GATA3: variants seen among roughly 807,000 people sequenced by gnomAD.
GATA3 encodes the protein trans-acting T-cell-specific transcription factor GATA-3.
In GATA3, 6 loss-of-function variants were observed where a neutral mutation model predicts 36.0. That is an observed-to-expected ratio of 0.17 (90% CI 0.09 to 0.33). The LOEUF (loss-of-function observed/expected upper bound fraction) is 0.33. Among genes scored for constraint, GATA3 ranks in the 10% least tolerant of loss-of-function variants. The pLI is 1.00. For missense variants in GATA3, 514 were observed against 610.1 expected (o/e 0.84, Z 1.66); for synonymous variants, 326 against 273.0 (o/e 1.19, Z -1.92).
chr10:8,053,901 C>T (rs899719073), upstream of GATA3: 9 of 152,510 alleles, frequency 5.9e-5, no homozygotes, highest in Non-Finnish European at 1.3e-4. The surrounding 1 kb of genome is among the most constrained non-coding windows in gnomAD (Gnocchi z 5.1). Flanking sequence ...TCTTCCTCCC[C>T]TCCCCCCTTC....
At chr10:8,050,956 C>T (rs555117662), upstream of GATA3, 826 of 477,672 alleles carry the variant, frequency 1.7e-3, 1 homozygote, top group Non-Finnish European at 3.0e-3. Context: ...ACCTCGGCCC[C>T]GCGGAGCTCG....
intron 4 of GATA3, among the ~76,000 whole-genome samples, chr10:8,064,408 G>A (rs904478162): frequency 2.0e-5 from 3 of 149,690 alleles, no homozygotes; most frequent in South Asian, 2.1e-4. Context: ...ACATTTTAAG[G>A]AGACTGAATT....
intron 3 of GATA3, among the ~76,000 whole-genome samples, chr10:8,059,221 C>G (rs539480883): frequency 6.6e-6 from 1 of 152,170 alleles, no homozygotes; most frequent in East Asian, 1.9e-4. Flanking sequence ...CATGCTAAAA[C>G]GAAACCTCCT....
At chr10:8,058,911 C>G (rs1832701548) in intron 3 of GATA3, 70 bp downstream of exon 3, 1 of 1,449,580 alleles carries the variant, frequency 6.9e-7, no homozygotes, top group African/African-American at 1.4e-5. Context: ...AGGGCCGCAC[C>G]CAGAGGGACC....
intron 3 of GATA3, among the ~76,000 whole-genome samples, chr10:8,061,856 C>T (rs570066299): frequency 7.2e-5 from 11 of 152,220 alleles, no homozygotes; most frequent in Non-Finnish European, 1.6e-4. Context: ...CCACGCTCCC[C>T]GCCTCCAACC....
chr10:8,072,402 GT>G (rs1832944653), intron 5 of GATA3, among the ~76,000 whole-genome samples: 1 of 152,182 alleles, frequency 6.6e-6, no homozygotes, highest in Non-Finnish European at 1.5e-5. Flanking sequence ...CCTTGAGTCT[GT>G]TTGCCACCCT....
chr10:8,067,664 A>G (rs962927498), intron 4 of GATA3, among the ~76,000 whole-genome samples: 1 of 151,008 alleles, frequency 6.6e-6, no homozygotes, highest in African/African-American at 2.5e-5. Context: ...CTAAAAATAC[A>G]AAAAATTAGC....
rs1832993320 is a variant in GATA3 at position 8,075,096 on chromosome 10, C to T, written c.*1073C>T. On this transcript the variant is annotated 3_prime_UTR_variant, in exon 6 of 6. Coordinates refer to ENST00000379328, the MANE Select transcript of GATA3 (RefSeq NM_001002295.2). ...CACGTCCTGCAATCGGCCCGGCTGC[C>T]TCTTCGCCCTGTCGTGTTCTGTGTT... 1 of 233,046 alleles carries T rather than the reference C, an allele frequency of 4.3e-6. No homozygotes were observed. The highest frequency in any genetic ancestry group is 5.6e-5 in the Admixed American group (1 of 17,772). 14.4% of individuals were successfully genotyped at this position (233,046 alleles called of 1,614,324 possible).
intron 4 of GATA3, among the ~76,000 whole-genome samples, chr10:8,065,976 A>T (rs1235552669): frequency 6.7e-6 from 1 of 149,678 alleles, no homozygotes; most frequent in Non-Finnish European, 1.5e-5. Context: ...AAAAAAAAAA[A>T]AAAAAGAGAG....
chr10:8,058,990 G>GCACTGCATGTCCTCCCATCCTAGCT, intron 3 of GATA3, 149 bp downstream of exon 3: 1 of 736,800 alleles, frequency 1.4e-6, no homozygotes, highest in Non-Finnish European at 2.2e-6. Context: ...TGCCGGGAAG[G>GCACTGCATGTCCTCCCATCCTAGCT]CACTGCATGT....
Position 8,055,537 on chromosome 10 carries a change from T to A in GATA3, c.-119T>A. The A allele has an allele frequency of 1.8e-6, 2 of 1,083,530 alleles. No individual in the cohort carries two copies. Among genetic ancestry groups the A allele is most frequent in the African/African-American group, 1.6e-5 (1 of 62,168 alleles). The allele number at this position is 1,083,530 out of a possible 1,614,324, so 67.1% of individuals were successfully genotyped here. On this transcript the variant is annotated 5_prime_UTR_variant, in exon 2 of 6. Transcript: ENST00000379328. This position sits in a 1 kb window ranked among gnomAD's most constrained non-coding sequence, Gnocchi z 5.4. Reference sequence around the variant, plus strand: ...TTCCCATCCCCCCACCGAAAGCAAATCATTCAACGACCCCCGACCCTCCGA... The same window carrying A: ...TTCCCATCCCCCCACCGAAAGCAAAACATTCAACGACCCCCGACCCTCCGA...
At chr10:8,065,206 G>A (rs1832815397) in intron 4 of GATA3, among the ~76,000 whole-genome samples, 1 of 149,720 alleles carries the variant, frequency 6.7e-6, no homozygotes, top group Non-Finnish European at 1.5e-5. Context: ...AGATTGTAGT[G>A]CAACTCAACA....
In GATA3 at chr10:8,074,098, A is replaced by G; in HGVS notation, c.*75A>G. 1.3e-6 allele frequency: 2 copies of G among 1,524,446 alleles called. No individual in the cohort carries two copies. The highest frequency in any genetic ancestry group is 1.2e-5 in the South Asian group (1 of 85,976). The allele number at this position is 1,524,446 out of a possible 1,614,324, so 94.4% of individuals were successfully genotyped here. A position where few individuals can be genotyped will look rare whatever the true frequency, so the allele number is the denominator to read the frequency against. ...TTTCGACTTGCATTTTTGCAGGAGC[A>G]GTATCATGAAGCCTAAACGCGATGG... On this transcript the variant is annotated 3_prime_UTR_variant, in exon 6 of 6. Coordinates refer to ENST00000379328, the MANE Select transcript of GATA3 (RefSeq NM_001002295.2).
intron 4 of GATA3, among the ~76,000 whole-genome samples, chr10:8,065,801 C>T (rs1832829224): frequency 9.2e-6 from 1 of 108,552 alleles, no homozygotes; most frequent in Non-Finnish European, 1.7e-5. Flanking sequence ...AACTCATAAA[C>T]AACAACTCAG....
chr10:8,067,666 A>G (rs973083607), intron 4 of GATA3, among the ~76,000 whole-genome samples: 1 of 150,800 alleles, frequency 6.6e-6, no homozygotes, highest in Non-Finnish European at 1.5e-5. Context: ...AAAAATACAA[A>G]AAATTAGCTG....
upstream of GATA3, among the ~76,000 whole-genome samples, chr10:8,054,466 C>T (rs1487098222): frequency 6.6e-6 from 1 of 152,140 alleles, no homozygotes; most frequent in Non-Finnish European, 1.5e-5. The surrounding 1 kb of genome is among the most constrained non-coding windows in gnomAD (Gnocchi z 4.2). Context: ...CCCGCCGCCC[C>T]TCCGCCGGCG....
upstream of GATA3, chr10:8,050,957 G>T (rs975926220): frequency 2.1e-6 from 1 of 477,904 alleles, no homozygotes; most frequent in East Asian, 6.6e-5. Flanking sequence ...CCTCGGCCCC[G>T]CGGAGCTCGC....
chr10:8,051,382 G>C (rs968198470), upstream of GATA3: 8 of 245,776 alleles, frequency 3.3e-5, no homozygotes, highest in African/African-American at 1.9e-4. Context: ...CTCCTCTCTA[G>C]GCGGTGGCCG....
chr10:8,074,747 T>A lies in GATA3; in HGVS notation c.*724T>A. ...ACCAAAATAAGAAAAGATGTAGATT[T>A]ATTTCATCATATTATACAGACCGAA... On this transcript the variant is annotated 3_prime_UTR_variant, in exon 6 of 6. Transcript: ENST00000379328. 4.3e-6 allele frequency: 1 copy of A among 233,744 alleles called. No individual in the cohort carries two copies. The highest frequency in any genetic ancestry group is 8.5e-6 in the Non-Finnish European group (1 of 118,072). The allele number at this position is 233,744 out of a possible 1,614,324, so 14.5% of individuals were successfully genotyped here. A position where few individuals can be genotyped will look rare whatever the true frequency, so the allele number is the denominator to read the frequency against.
Sources: gnomAD v4.1 joint callset for allele counts (sites outside exome capture counted in the v4.1 genomes callset) on GRCh38, gnomAD v4.1.1 for gene constraint, Gnocchi (gnomAD v3.1) non-coding constraint, MANE v1.5 for transcripts, NCBI Gene and HGNC (gene_info 2026-07-23, HGNC 2026-07-21) for gene names.